The following TRPM7 variants were observed in gnomAD, a reference collection of about 807,000 sequenced individuals.
TRPM7 encodes the protein LTRPC ion channel family member 7.
Under a neutral mutation model 229.7 loss-of-function variants are expected in TRPM7, and 134 were observed. The ratio of observed to expected loss-of-function variants is 0.58; its 90% CI spans 0.51 to 0.67. The LOEUF (loss-of-function observed/expected upper bound fraction) is 0.67, where lower values mean the gene tolerates loss of function less well. Ranked by LOEUF, TRPM7 falls within the 30% of genes least tolerant of loss-of-function variation. TRPM7 has a pLI of 0.00. For missense variants in TRPM7, 1,901 were observed against 2,210.0 expected (o/e 0.86, Z 2.80); for synonymous variants, 699 against 715.2 (o/e 0.98, Z 0.36).
chr15:50,643,509 T>C lies in TRPM7; in HGVS notation c.366A>G (p.Gln122=). ...CCATTTGCCATTCTTTAAGCAGAAGTTGCAGAATGACTTCAGGTTTGGTGT... is the reference window on the plus strand; with the variant it reads ...CCATTTGCCATTCTTTAAGCAGAAGCTGCAGAATGACTTCAGGTTTGGTGT... ...SYDTKPEVIL[Q]LLLKEWQMEL... Residue 122 remains glutamine (Q), a synonymous_variant, in exon 5 of 39, where the codon CAA becomes CAG. Transcript: ENST00000646667. The C allele has an allele frequency of 6.2e-7, 1 of 1,614,200 alleles. No individual in the cohort carries two copies. Among genetic ancestry groups the C allele is most frequent in the East Asian group, 2.2e-5 (1 of 44,876 alleles).
intron 7 of TRPM7, among the ~76,000 whole-genome samples, chr15:50,636,248 C>T (rs1035398594): frequency 6.0e-5 from 9 of 150,888 alleles, no homozygotes; most frequent in Middle Eastern, 3.4e-3. Context: ...TGCAGTGACG[C>T]GATCTTGGCT....
At chr15:50,567,422 G>C (rs1019002456) in intron 38 of TRPM7, among the ~76,000 whole-genome samples, 2 of 151,970 alleles carry the variant, frequency 1.3e-5, no homozygotes, top group Non-Finnish European at 2.9e-5. Context: ...TCATGGTAGG[G>C]ACAATATCAA....
At chr15:50,679,543 T>A (rs1433016095) in intron 1 of TRPM7, among the ~76,000 whole-genome samples, 1 of 97,904 alleles carries the variant, frequency 1.0e-5, no homozygotes. Context: ...TATATATTTT[T>A]TTTTTTTTTT....
chr15:50,594,398 G>A (rs1192968541), intron 24 of TRPM7, 31 bp downstream of exon 24: 1 of 1,530,500 alleles, frequency 6.5e-7, no homozygotes, highest in African/African-American at 1.4e-5. Context: ...GTGATAAAAT[G>A]AAAACATTTG....
At chr15:50,686,320 G>C (rs1294146452) in intron 1 of TRPM7, among the ~76,000 whole-genome samples, 1 of 152,212 alleles carries the variant, frequency 6.6e-6, no homozygotes, top group African/African-American at 2.4e-5. Flanking sequence ...CCGCGAAGAG[G>C]TGTCGCCTCT....
At chr15:50,594,655 C>A in intron 23 of TRPM7, 42 bp from the exon 24 acceptor site, 1 of 1,363,674 alleles carries the variant, frequency 7.3e-7, no homozygotes, top group Non-Finnish European at 1.0e-6. Context: ...CTTTGTTAAT[C>A]ATCTCTTAAA....
intron 29 of TRPM7, among the ~76,000 whole-genome samples, chr15:50,581,732 T>G (rs2054424134): frequency 6.6e-6 from 1 of 152,134 alleles, no homozygotes; most frequent in Admixed American, 6.5e-5. Flanking sequence ...TGCCCGAATT[T>G]GAATCTTCAC....
chr15:50,613,410 G>A (rs2060118229), intron 15 of TRPM7, among the ~76,000 whole-genome samples: 2 of 147,672 alleles, frequency 1.4e-5, no homozygotes, highest in African/African-American at 2.5e-5. Flanking sequence ...GCTGAGGCAG[G>A]AGAATCACTC....
At chr15:50,609,753 G>C (rs1416310754) in intron 18 of TRPM7, 29 bp from the exon 19 acceptor site, 2 of 1,568,556 alleles carry the variant, frequency 1.3e-6, no homozygotes, top group Non-Finnish European at 1.7e-6. Context: ...AAATTCTTTT[G>C]TACAATTATT....
At chr15:50,566,695 AAAAT>A (rs2053614151) in intron 38 of TRPM7, among the ~76,000 whole-genome samples, 1 of 152,174 alleles carries the variant, frequency 6.6e-6, no homozygotes, top group Non-Finnish European at 1.5e-5. Flanking sequence ...ACTCCATCTC[AAAAT>A]AAATAAATAA....
chr15:50,632,721 C>T, intron 9 of TRPM7, 148 bp downstream of exon 9: 1 of 731,440 alleles, frequency 1.4e-6, no homozygotes, highest in East Asian at 3.3e-5. Flanking sequence ...CTTGAACAGA[C>T]CAATAAATGA....
At chr15:50,623,684 A>C (rs1182160502) in intron 12 of TRPM7, among the ~76,000 whole-genome samples, 2 of 152,130 alleles carry the variant, frequency 1.3e-5, no homozygotes, top group African/African-American at 4.8e-5. Flanking sequence ...ATAAAATGTG[A>C]AAGTCTTTGT....
At chr15:50,649,426 AG>A in intron 3 of TRPM7, among the ~76,000 whole-genome samples, 1 of 150,514 alleles carries the variant, frequency 6.6e-6, no homozygotes. Flanking sequence ...AGAACAAGCA[AG>A]ACCCCAACTC....
intron 12 of TRPM7, among the ~76,000 whole-genome samples, chr15:50,622,260 A>G (rs1445431933): frequency 6.6e-6 from 1 of 152,224 alleles, no homozygotes; most frequent in East Asian, 1.9e-4. Flanking sequence ...GAAGTTCTCA[A>G]TAATTTTAAT....
At chr15:50,679,598 C>T (rs1480586781) in intron 1 of TRPM7, among the ~76,000 whole-genome samples, 2 of 138,686 alleles carry the variant, frequency 1.4e-5, no homozygotes, top group African/African-American at 2.8e-5. Flanking sequence ...TGCAGTGGCG[C>T]AATCTGGAGT....
intron 1 of TRPM7, among the ~76,000 whole-genome samples, chr15:50,681,429 C>T (rs915155401): frequency 3.3e-5 from 5 of 152,146 alleles, no homozygotes; most frequent in Non-Finnish European, 5.9e-5. Flanking sequence ...ACTAGGAAGA[C>T]TATCATTTCA....
rs1596034026 is a variant in TRPM7, at chr15:50,561,352, G to C, written c.*326C>G. ...GCATGGACACCTACCTTTGGTTAATGGTATTGTACCACATAAGAGAGAGCA... is the reference window on the plus strand; with the variant it reads ...GCATGGACACCTACCTTTGGTTAATCGTATTGTACCACATAAGAGAGAGCA... On this transcript the variant is annotated 3_prime_UTR_variant, in exon 39 of 39. Transcript: ENST00000646667. 2 of 197,840 alleles carry C rather than the reference G, an allele frequency of 1.0e-5. No homozygotes were observed. The highest frequency in any genetic ancestry group is 2.0e-5 in the Non-Finnish European group (2 of 98,170). 12.3% of individuals were successfully genotyped at this position (197,840 alleles called of 1,614,324 possible). A position where few individuals can be genotyped will look rare whatever the true frequency, so the allele number is the denominator to read the frequency against.
rs1026329487 is a variant in TRPM7 at position 50,570,250 on chromosome 15, T to C, written c.5309-95A>G. On this transcript the variant is annotated intron_variant, in intron 36 of 38. Transcript: ENST00000646667. ...TAATAAAAATCATCTTAAGAGATGT[T>C]ATAGTATCATCAATCATTACAATGT... The C allele has an allele frequency of 9.3e-6, 8 of 856,104 alleles. No homozygotes were observed. The East Asian group carries it at 1.9e-4, about 20-fold the overall frequency. The allele number at this position is 856,104 out of a possible 1,614,324, so 53.0% of individuals were successfully genotyped here. A position where few individuals can be genotyped will look rare whatever the true frequency, so the allele number is the denominator to read the frequency against.
intron 27 of TRPM7, among the ~76,000 whole-genome samples, chr15:50,588,879 G>A (rs1450815165): frequency 1.3e-5 from 2 of 152,090 alleles, no homozygotes; most frequent in African/African-American, 4.8e-5. Flanking sequence ...AAATTATCTT[G>A]CACTTGTACA....
Sources: gnomAD v4.1 joint callset for allele counts (sites outside exome capture counted in the v4.1 genomes callset) on GRCh38, gnomAD v4.1.1 for gene constraint, MANE v1.5 for transcripts, NCBI Gene and HGNC (gene_info 2026-07-23, HGNC 2026-07-21) for gene names.